The following RNFT2 variants were observed in gnomAD, a reference collection of about 807,000 sequenced individuals.
RNFT2 encodes the protein ring finger protein, transmembrane 2.
RNFT2 carries 36 observed loss-of-function variants against 53.0 expected under a neutral mutation model. The observed-to-expected ratio is 0.68, with a 90% CI of 0.52 to 0.90. The LOEUF (loss-of-function observed/expected upper bound fraction) is 0.90, where lower values mean the gene tolerates loss of function less well. RNFT2 is among the 40% of genes least tolerant of loss of function. The pLI, the probability that RNFT2 is intolerant of heterozygous loss-of-function variation, is 0.00. For synonymous variants in RNFT2, 260 were observed against 253.2 expected, an observed-to-expected ratio of 1.03 and a Z score of -0.26; for missense variants, 514 against 585.6, an observed-to-expected ratio of 0.88 and a Z score of 1.26.
chr12:116,810,318 C>G (rs532154063), intron 7 of RNFT2, among the ~76,000 whole-genome samples: 37 of 152,264 alleles, frequency 2.4e-4, no homozygotes, highest in African/African-American at 8.2e-4. Flanking sequence ...ATCGCAAAGC[C>G]ACAAGGGCAC....
At chr12:116,748,802 A>G (rs548115040) in intron 3 of RNFT2, 105 of 338,144 alleles carry the variant, frequency 3.1e-4, no homozygotes, top group Non-Finnish European at 5.0e-4. Context: ...GCTGGTTACT[A>G]AAGTGGGCTC....
intron 10 of RNFT2, among the ~76,000 whole-genome samples, chr12:116,841,703 A>G (rs1877258612): frequency 6.9e-6 from 1 of 144,854 alleles, no homozygotes; most frequent in Non-Finnish European, 1.5e-5. Context: ...AGCCAAGGTC[A>G]TGCCACTGCA....
intron 6 of RNFT2, among the ~76,000 whole-genome samples, chr12:116,774,725 G>A (rs1592950820): frequency 6.9e-6 from 1 of 144,174 alleles, no homozygotes; most frequent in East Asian, 2.3e-4. Context: ...CGTCAACACA[G>A]ATCTCATACG....
intron 7 of RNFT2, among the ~76,000 whole-genome samples, chr12:116,798,216 ACT>A (rs1874599480): frequency 1.4e-5 from 2 of 146,722 alleles, no homozygotes; most frequent in African/African-American, 5.4e-5. Context: ...ACAGAACGAG[ACT>A]CTGTCTCAAA....
chr12:116,787,704 T>G (rs1430302570), intron 7 of RNFT2, among the ~76,000 whole-genome samples: 2 of 132,650 alleles, frequency 1.5e-5, no homozygotes, highest in Non-Finnish European at 3.2e-5. Flanking sequence ...TAGAGGGACA[T>G]GTTGTCTCTA....
At chr12:116,820,726 T>C (rs952411203) in intron 7 of RNFT2, among the ~76,000 whole-genome samples, 10 of 152,130 alleles carry the variant, frequency 6.6e-5, no homozygotes, top group Admixed American at 4.6e-4. Flanking sequence ...TGGATTTAAA[T>C]CCCGGCTCCA....
At chr12:116,769,074 AG>A (rs1183196598) in intron 6 of RNFT2, among the ~76,000 whole-genome samples, 2 of 151,786 alleles carry the variant, frequency 1.3e-5, no homozygotes, top group Non-Finnish European at 2.9e-5. Flanking sequence ...AAAAAATAAA[AG>A]TTGGCCGGGC....
chr12:116,755,939 C>G (rs1371750786), intron 5 of RNFT2: 26 of 972,052 alleles, frequency 2.7e-5, no homozygotes, highest in Non-Finnish European at 4.0e-5. Flanking sequence ...TATTTTTGTA[C>G]CAGTACCATG....
intron 7 of RNFT2, among the ~76,000 whole-genome samples, chr12:116,798,995 G>T (rs1299218681): frequency 6.6e-6 from 1 of 151,974 alleles, no homozygotes; most frequent in Non-Finnish European, 1.5e-5. Context: ...GTCCAGGTCA[G>T]CTTGATTGAG....
chr12:116,841,891 A>AT (rs1491569252), intron 10 of RNFT2, among the ~76,000 whole-genome samples: 1 of 25,082 alleles, frequency 4.0e-5, no homozygotes, highest in Non-Finnish European at 8.4e-5. Context: ...AAATATATAT[A>AT]AAAATATATA....
chr12:116,816,662 T>C (rs577233542), intron 7 of RNFT2, among the ~76,000 whole-genome samples: 7 of 152,288 alleles, frequency 4.6e-5, no homozygotes, highest in African/African-American at 1.7e-4. Flanking sequence ...CTCTATAAGC[T>C]TAGGCAAAAT....
intron 3 of RNFT2, among the ~76,000 whole-genome samples, chr12:116,747,972 C>T (rs1478671194): frequency 6.6e-6 from 1 of 152,162 alleles, no homozygotes; most frequent in African/African-American, 2.4e-5. Context: ...GGGCAGATCA[C>T]ATGAGGTCAG....
In RNFT2 at chr12:116,819,610, C is replaced by G. The variant is rs548207328; in HGVS notation, c.883-14182C>G. Among the ~76,000 whole-genome samples the G allele has an allele frequency of 3.9e-5, 6 of 152,310 alleles. No individual in the cohort carries two copies. The South Asian group carries it at 1.2e-3, about 32-fold the overall frequency. Reference sequence around the variant, plus strand: ...CAGGAGGGGGATTAATGGCTGCCGCCGGGTGGTGACGTCACCGGCAGCACC... The same window carrying G: ...CAGGAGGGGGATTAATGGCTGCCGCGGGGTGGTGACGTCACCGGCAGCACC... On this transcript the variant is annotated intron_variant, in intron 7 of 10. Transcript: ENST00000257575.
chr12:116,756,833 C>A lies in RNFT2; in HGVS notation c.627+2773C>A, dbSNP rs545149025. ...TCCTGGTTTTGGTATTAGGGTGATGCTGGCTTCATAGAATGAATTAGGGAG... is the reference window on the plus strand; with the variant it reads ...TCCTGGTTTTGGTATTAGGGTGATGATGGCTTCATAGAATGAATTAGGGAG... On this transcript the variant is annotated intron_variant, in intron 5 of 10. Transcript: ENST00000257575. 1.8e-3 allele frequency among the ~76,000 whole-genome samples: 269 copies of A among 152,256 alleles called. 3 individuals are homozygous for A. The highest frequency in any genetic ancestry group is 6.3e-3 in the African/African-American group (260 of 41,560).
chr12:116,761,164 T>C (rs549709353), intron 5 of RNFT2, among the ~76,000 whole-genome samples: 54 of 152,266 alleles, frequency 3.5e-4, no homozygotes, highest in African/African-American at 1.2e-3. Flanking sequence ...TTTTTTTCTT[T>C]TTGAGACGGA....
chr12:116,746,162 G>A (rs578054807), intron 3 of RNFT2, among the ~76,000 whole-genome samples: 5 of 152,218 alleles, frequency 3.3e-5, no homozygotes, highest in South Asian at 2.1e-4. Flanking sequence ...ACTTGAGCCC[G>A]GGAGGCAGAG....
intron 5 of RNFT2, among the ~76,000 whole-genome samples, chr12:116,760,954 T>C (rs190560969): frequency 1.3e-5 from 2 of 152,048 alleles, no homozygotes; most frequent in Admixed American, 6.6e-5. Context: ...CCATAGCTCA[T>C]TGTAGCCTCC....
At chr12:116,806,397 T>TATATATAG (rs1166246066) in intron 7 of RNFT2, among the ~76,000 whole-genome samples, 81 of 131,664 alleles carry the variant, frequency 6.2e-4, no homozygotes, top group South Asian at 2.8e-3. Flanking sequence ...TATATATATA[T>TATATATAG]ATAGATAGAT....
chr12:116,814,597 G>T (rs954313307), intron 7 of RNFT2, among the ~76,000 whole-genome samples: 1 of 152,174 alleles, frequency 6.6e-6, no homozygotes, highest in African/African-American at 2.4e-5. Flanking sequence ...AGCAGAAGAA[G>T]GGGCAGGGCA....
Sources: allele counts gnomAD v4.1 joint callset (sites outside exome capture counted in the v4.1 genomes callset), GRCh38; gene constraint gnomAD v4.1.1; transcripts MANE v1.5; gene names NCBI Gene and HGNC (gene_info 2026-07-23, HGNC 2026-07-21).